Variants in AMN1 observed in about 807,000 individuals in gnomAD.
The protein encoded by AMN1 is protein AMN1 homolog.
A neutral mutation model predicts 33.0 loss-of-function variants in AMN1; 20 were observed. That is an observed-to-expected ratio of 0.61 (90% CI 0.43 to 0.88). The LOEUF is 0.88. AMN1 is among the 40% of genes least tolerant of loss of function. The pLI, the probability that AMN1 is intolerant of heterozygous loss-of-function variation, is 0.00. For missense variants in AMN1, 246 were observed against 307.4 expected, an observed-to-expected ratio of 0.80 and a Z score of 1.49; for synonymous variants, 114 against 111.9, an observed-to-expected ratio of 1.02 and a Z score of -0.12.
chr12:31,672,549 C>A, intron 6 of AMN1, 172 bp from the exon 7 acceptor site: 2 of 563,014 alleles, frequency 3.6e-6, no homozygotes. Context: ...TAATGGTAGC[C>A]CTCACTATTA....
At position 31,701,763 on chromosome 12, in the gene AMN1, C is replaced by T. The variant is rs536911479; in HGVS notation, c.316+100G>A. 3.7e-5 allele frequency: 36 copies of T among 982,808 alleles called. No individual in the cohort carries two copies. In the South Asian group the frequency reaches 6.7e-4, roughly 18 times the overall value. The allele number at this position is 982,808 out of a possible 1,614,324, so 60.9% of individuals were successfully genotyped here. Reference sequence around the variant, plus strand: ...ATAAATATAATTCATATTTCTCTGACTTCTTCATACTCTCTTTTGACGTAT... The same window carrying T: ...ATAAATATAATTCATATTTCTCTGATTTCTTCATACTCTCTTTTGACGTAT... On this transcript the variant is annotated intron_variant, in intron 3 of 6. Coordinates refer to ENST00000281471, the MANE Select transcript of AMN1 (RefSeq NM_001113402.2).
chr12:31,704,496 CT>C (rs11319937), intron 2 of AMN1, among the ~76,000 whole-genome samples: 44,537 of 143,980 alleles, frequency 0.31, 7,193 homozygotes, highest in Non-Finnish European at 0.39. Context: ...GACTTTGTTT[CT>C]TTTTTTTTTT....
chr12:31,700,460 T>C (rs946812855), intron 3 of AMN1, among the ~76,000 whole-genome samples: 2 of 152,156 alleles, frequency 1.3e-5, no homozygotes, highest in African/African-American at 4.8e-5. Flanking sequence ...ACTCATGTAA[T>C]AGTGACACTG....
At chr12:31,715,188 C>T (rs1005819340) in intron 1 of AMN1, among the ~76,000 whole-genome samples, 4 of 152,170 alleles carry the variant, frequency 2.6e-5, no homozygotes, top group African/African-American at 9.7e-5. Context: ...CCTTTAGCTC[C>T]TAAAACAACA....
At chr12:31,688,099 T>C (rs185700198) in intron 6 of AMN1, among the ~76,000 whole-genome samples, 414 of 152,198 alleles carry the variant, frequency 2.7e-3, no homozygotes, top group Non-Finnish European at 5.4e-3. Context: ...GGATTACAGG[T>C]GCGCACCACC....
intron 3 of AMN1, among the ~76,000 whole-genome samples, chr12:31,699,418 A>AAAAG (rs1938888532): frequency 6.7e-6 from 1 of 149,490 alleles, no homozygotes; most frequent in Non-Finnish European, 1.5e-5. Context: ...AAAAAAAAAA[A>AAAAG]AAAGAAAGAA....
At chr12:31,680,660 T>C (rs2139657942) in intron 6 of AMN1, among the ~76,000 whole-genome samples, 1 of 152,364 alleles carries the variant, frequency 6.6e-6, no homozygotes, top group African/African-American at 2.4e-5. Flanking sequence ...CTTAGAAACA[T>C]AGTCGAGAAA....
At chr12:31,700,669 T>G (rs1372377823) in intron 3 of AMN1, among the ~76,000 whole-genome samples, 13 of 150,668 alleles carry the variant, frequency 8.6e-5, no homozygotes, top group Admixed American at 8.6e-4. Flanking sequence ...CATGTTTTGT[T>G]TTTTTTTTAG....
At chr12:31,695,606 C>T (rs979005788) in intron 5 of AMN1, among the ~76,000 whole-genome samples, 1 of 151,442 alleles carries the variant, frequency 6.6e-6, no homozygotes, top group African/African-American at 2.4e-5. Context: ...CTATCTCAGG[C>T]TCCCAAGTAG....
chr12:31,711,967 T>G (rs2139713443), intron 1 of AMN1, among the ~76,000 whole-genome samples: 1 of 152,276 alleles, frequency 6.6e-6, no homozygotes, highest in South Asian at 2.1e-4. Flanking sequence ...CATTTGTCTT[T>G]CTGTGTCTGG....
At chr12:31,700,451 C>T (rs943460826) in intron 3 of AMN1, among the ~76,000 whole-genome samples, 3 of 152,086 alleles carry the variant, frequency 2.0e-5, no homozygotes, top group Non-Finnish European at 4.4e-5. Context: ...GATTCACTAA[C>T]TCATGTAATA....
chr12:31,725,730 C>G lies in AMN1; in HGVS notation c.38+3241G>C, dbSNP rs546371105. Among the ~76,000 whole-genome samples, 4 of 152,322 alleles carry G rather than the reference C, an allele frequency of 2.6e-5. No individual in the cohort carries two copies. The South Asian group carries it at 8.3e-4, about 32-fold the overall frequency. On this transcript the variant is annotated intron_variant, in intron 1 of 6. Transcript: ENST00000281471. ...ATTTATTTAGAGATGGAGTCTCACTCTGTTGCCCAGGCTGGAGTGCAGTAG... is the reference window on the plus strand; with the variant it reads ...ATTTATTTAGAGATGGAGTCTCACTGTGTTGCCCAGGCTGGAGTGCAGTAG...
At chr12:31,709,645 CCT>C (rs1453119210) in intron 1 of AMN1, among the ~76,000 whole-genome samples, 1 of 151,984 alleles carries the variant, frequency 6.6e-6, no homozygotes. Context: ...ATAGTGAAAC[CCT>C]GTCTCTACAA....
intron 6 of AMN1, among the ~76,000 whole-genome samples, chr12:31,674,990 C>T (rs188531009): frequency 5.3e-5 from 8 of 151,140 alleles, no homozygotes; most frequent in South Asian, 2.1e-4. Flanking sequence ...CCACTGTACT[C>T]CAGCCTGGGC....
Position 31,687,334 on chromosome 12 carries a change from T to G in AMN1, c.703+1673A>C. The stretch of plus-strand genomic sequence containing the variant: ...AAAAAGAGAAGTTGTCAAAGGGACT[T>G]CCTAAAAATAAAAGAGAAGTTGTCA... On this transcript the variant is annotated intron_variant, in intron 6 of 6. Transcript: ENST00000281471. The surrounding 1 kb of genome is among the most constrained non-coding windows in gnomAD (Gnocchi z 4.1). Among the ~76,000 whole-genome samples the G allele has an allele frequency of 6.6e-6, 1 of 152,184 alleles. No individual in the cohort carries two copies. Among genetic ancestry groups the G allele is most frequent in the South Asian group, 2.1e-4 (1 of 4,836 alleles).
At chr12:31,678,470 C>T (rs1311866611) in intron 6 of AMN1, among the ~76,000 whole-genome samples, 1 of 151,696 alleles carries the variant, frequency 6.6e-6, no homozygotes, top group Admixed American at 6.6e-5. Flanking sequence ...CATCTCAGCT[C>T]ACTGCAACCT....
At chr12:31,673,637 C>T (rs1379868661) in intron 6 of AMN1, 3 of 439,190 alleles carry the variant, frequency 6.8e-6, no homozygotes, top group Non-Finnish European at 1.4e-5. Context: ...GCCAGTGTTA[C>T]CCTGATACCA....
chr12:31,696,629 T>C (rs1440791761), intron 5 of AMN1, among the ~76,000 whole-genome samples: 4 of 152,072 alleles, frequency 2.6e-5, no homozygotes, highest in African/African-American at 9.7e-5. Flanking sequence ...TGAACACAAA[T>C]TTAAGATCTT....
chr12:31,684,933 A>G (rs910647634), intron 6 of AMN1, among the ~76,000 whole-genome samples: 15 of 152,220 alleles, frequency 9.9e-5, no homozygotes, highest in African/African-American at 3.4e-4. Flanking sequence ...TTGCTCTGAA[A>G]CATACGGGGA....
Sources: allele counts gnomAD v4.1 joint callset (sites outside exome capture counted in the v4.1 genomes callset), GRCh38; gene constraint gnomAD v4.1.1; non-coding constraint Gnocchi (gnomAD v3.1); transcripts MANE v1.5; gene names NCBI Gene and HGNC (gene_info 2026-07-23, HGNC 2026-07-21).